Variants in RPRD1A observed in about 807,000 individuals in gnomAD.
RPRD1A encodes regulation of nuclear pre-mRNA domain containing 1A.
RPRD1A carries 9 observed loss-of-function variants against 37.8 expected under a neutral mutation model. The observed-to-expected ratio is 0.24, with a 90% CI of 0.14 to 0.42. The LOEUF (loss-of-function observed/expected upper bound fraction) is 0.42. RPRD1A is among the 10% of genes least tolerant of loss of function. The probability of loss-of-function intolerance (pLI) is 1.00; values close to 1 mark genes in which losing one functional copy is unlikely to be tolerated. For synonymous variants in RPRD1A, 138 were observed against 139.7 expected (o/e 0.99, Z 0.08); for missense variants, 255 against 371.0 (o/e 0.69, Z 2.57).
In RPRD1A at chr18:35,993,222, A is replaced by G. The variant is rs758740817; in HGVS notation, c.868T>C (p.Ser290Pro). Reference sequence around the variant, plus strand: ...CTGCCAGTGACATTGGGCAATCGAGATAAGTCTGGCAGGCTCTGGATCCGG... The same window carrying G: ...CTGCCAGTGACATTGGGCAATCGAGGTAAGTCTGGCAGGCTCTGGATCCGG... ...RSRIQSLPDL[S>P]RLPNVTGSHM... Residue 290 changes from serine (S) to proline (P), a missense_variant, in exon 7 of 7, where the codon TCT becomes CCT. Ser to Pro is a moderately conservative substitution (Grantham distance 74). Transcript: ENST00000399022. 6 of 1,614,190 alleles carry G rather than the reference A, an allele frequency of 3.7e-6. No individual in the cohort carries two copies. The Admixed American group carries it at 5.0e-5, about 13-fold the overall frequency.
chr18:36,027,380 A>G, intron 4 of RPRD1A, 70 bp from the exon 5 acceptor site: 1 of 1,538,566 alleles, frequency 6.5e-7, no homozygotes, highest in Non-Finnish European at 9.0e-7. Context: ...TTAATTTCAT[A>G]TTCTTTCATC....
intron 6 of RPRD1A, chr18:36,025,696 T>A: frequency 7.9e-7 from 1 of 1,262,330 alleles, no homozygotes; most frequent in Non-Finnish European, 1.0e-6. Context: ...AGAAGCTCAA[T>A]AGAAGTTAAA....
chr18:36,016,940 A>C (rs988298004), intron 6 of RPRD1A, among the ~76,000 whole-genome samples: 4 of 152,124 alleles, frequency 2.6e-5, no homozygotes, highest in Non-Finnish European at 5.9e-5. Flanking sequence ...GGGTGATAAA[A>C]ATTTTGGATG....
intron 1 of RPRD1A, among the ~76,000 whole-genome samples, chr18:36,039,775 T>C (rs1912450683): frequency 6.6e-6 from 1 of 152,182 alleles, no homozygotes; most frequent in Admixed American, 6.5e-5. Context: ...TCCTGTTATC[T>C]ATAAACATAA....
chr18:36,030,459 G>T (rs1911695711), intron 4 of RPRD1A, among the ~76,000 whole-genome samples: 1 of 151,800 alleles, frequency 6.6e-6, no homozygotes. Flanking sequence ...CTCCAGCCCT[G>T]GGGACAGAGT....
intron 1 of RPRD1A, among the ~76,000 whole-genome samples, chr18:36,037,007 T>C (rs1027187000): frequency 6.6e-6 from 1 of 152,216 alleles, no homozygotes; most frequent in African/African-American, 2.4e-5. Context: ...GTTTGCCATG[T>C]ACCAGGGACC....
In RPRD1A at chr18:36,067,469, C is replaced by T; in HGVS notation, c.-65G>A. The T allele has an allele frequency of 6.6e-7, 1 of 1,511,368 alleles. No homozygotes were observed. The highest frequency in any genetic ancestry group is 1.2e-5 in the South Asian group (1 of 81,632). 93.6% of individuals were successfully genotyped at this position (1,511,368 alleles called of 1,614,324 possible). On this transcript the variant is annotated 5_prime_UTR_variant, in exon 1 of 7. Transcript: ENST00000399022. Reference sequence around the variant, plus strand: ...CCGAGGGGAGGAGAGTTTCGCCGCCCTAGCTGCGGCCTCGCCCCCTCACCC... The same window carrying T: ...CCGAGGGGAGGAGAGTTTCGCCGCCTTAGCTGCGGCCTCGCCCCCTCACCC...
At chr18:36,039,838 G>C (rs1157017341) in intron 1 of RPRD1A, among the ~76,000 whole-genome samples, 1 of 145,458 alleles carries the variant, frequency 6.9e-6, no homozygotes, top group Non-Finnish European at 1.5e-5. Context: ...GCAGGAAATT[G>C]AATAAGGAAA....
chr18:36,050,649 A>G lies in RPRD1A; in HGVS notation c.151+16605T>C, dbSNP rs147834381. Among the ~76,000 whole-genome samples the G allele has an allele frequency of 3.8e-3, 576 of 152,142 alleles. 7 individuals are homozygous for G. The highest frequency in any genetic ancestry group is 0.013 in the African/African-American group (552 of 41,530). On this transcript the variant is annotated intron_variant, in intron 1 of 6. Coordinates refer to ENST00000399022, the MANE Select transcript of RPRD1A (RefSeq NM_018170.5). ...AGTACATGAAACTATGCTCACCATT[A>G]TTAGTCATTAGGGAGTAGCTGAAAC... is the stretch of plus-strand genomic sequence containing the variant.
intron 6 of RPRD1A, 47 bp downstream of exon 6, chr18:36,026,853 A>G: frequency 6.6e-7 from 1 of 1,523,324 alleles, no homozygotes; most frequent in South Asian, 1.2e-5. Context: ...TTCCTAACAA[A>G]AAGAGAATTA....
chr18:36,015,036 A>C (rs1910419679), intron 6 of RPRD1A, among the ~76,000 whole-genome samples: 1 of 151,908 alleles, frequency 6.6e-6, no homozygotes, highest in Admixed American at 6.6e-5. Flanking sequence ...CCAGTATGTC[A>C]GTTCTCAAGA....
intron 6 of RPRD1A, among the ~76,000 whole-genome samples, chr18:36,020,021 G>C (rs61174559): frequency 0.029 from 4,368 of 152,204 alleles, 204 homozygotes; most frequent in African/African-American, 0.099. Flanking sequence ...GCCTGGGTGA[G>C]AGAGTGAGAC....
At chr18:36,004,542 G>A (rs199966938) in intron 6 of RPRD1A, among the ~76,000 whole-genome samples, 6 of 152,140 alleles carry the variant, frequency 3.9e-5, no homozygotes, top group South Asian at 2.1e-4. Flanking sequence ...GGCATGAGCC[G>A]GCGCCCAGCC....
rs2089051704 is a variant in RPRD1A, at chr18:36,067,308, G to A, written c.97C>T (p.His33Tyr). ...ACGATGGGACGCGAGTGTTTACGGT[G>A]GTGAATGAGCCACAGGGACAAGGTC... is the stretch of plus-strand genomic sequence containing the variant. ...VQTLSLWLIH[H>Y]RKHSRPIVTV... Residue 33 changes from histidine (H) to tyrosine (Y), a missense_variant, in exon 1 of 7, where the codon CAC becomes TAC. His to Tyr is a moderately conservative substitution (Grantham distance 83). This residue lies in a region of RPRD1A where 44 missense variants were observed against 102.1 expected (regional missense o/e 0.43). Coordinates refer to ENST00000399022, the MANE Select transcript of RPRD1A (RefSeq NM_018170.5). The A allele has an allele frequency of 6.2e-7, 1 of 1,607,000 alleles. No individual in the cohort carries two copies. The highest frequency in any genetic ancestry group is 8.5e-7 in the Non-Finnish European group (1 of 1,177,024).
chr18:36,032,959 G>A (rs957750484), intron 2 of RPRD1A, among the ~76,000 whole-genome samples: 2 of 152,112 alleles, frequency 1.3e-5, no homozygotes. Flanking sequence ...ATTACGGTGT[G>A]GAGAATAACC....
chr18:36,065,148 GA>G (rs1198825538), intron 1 of RPRD1A, among the ~76,000 whole-genome samples: 4 of 152,204 alleles, frequency 2.6e-5, no homozygotes, highest in South Asian at 4.1e-4. Context: ...AAGTCAGCGA[GA>G]CCAAGAACCC....
rs4799407 is a variant in RPRD1A, at chr18:35,990,648, G to A, written c.*2503C>T. 17,007 of 152,094 alleles carry A rather than the reference G, an allele frequency of 0.11. 1,181 individuals carry two copies. Among genetic ancestry groups the A allele is most frequent in the East Asian group, 0.25 (1,282 of 5,166 alleles). 9.4% of individuals were successfully genotyped at this position (152,094 alleles called of 1,614,324 possible). On this transcript the variant is annotated 3_prime_UTR_variant, in exon 7 of 7. Coordinates refer to ENST00000399022, the MANE Select transcript of RPRD1A (RefSeq NM_018170.5). ...TCCATTCAAACCATAGCAGCCCTAC[G>A]GCACCATGCTTTTCTCTTGAGGGGT...
chr18:35,994,545 A>G (rs867372028), intron 6 of RPRD1A, among the ~76,000 whole-genome samples: 3 of 152,216 alleles, frequency 2.0e-5, no homozygotes, highest in Non-Finnish European at 2.9e-5. Flanking sequence ...AAGCAGGTGG[A>G]TATCGGAGCT....
At chr18:36,025,459 T>G (rs1327004593) in intron 6 of RPRD1A, 16 of 387,350 alleles carry the variant, frequency 4.1e-5, no homozygotes, top group Non-Finnish European at 2.3e-5. Flanking sequence ...TCTGATCTAT[T>G]TTCTACAGTT....
Sources: gnomAD v4.1 joint callset for allele counts (sites outside exome capture counted in the v4.1 genomes callset) on GRCh38, gnomAD v4.1.1 for gene constraint, gnomAD v4.1.1 regional missense constraint, MANE v1.5 for transcripts, NCBI Gene and HGNC (gene_info 2026-07-23, HGNC 2026-07-21) for gene names.